NDUFAF6: variants seen among roughly 807,000 people sequenced by gnomAD.
NDUFAF6 encodes the protein NADH dehydrogenase (ubiquinone) complex I, assembly factor 6.
A neutral mutation model predicts 40.8 loss-of-function variants in NDUFAF6; 45 were observed. That is an observed-to-expected ratio of 1.10 (90% confidence interval 0.87 to 1.42). NDUFAF6 has a LOEUF of 1.42. Among genes scored for constraint, NDUFAF6 ranks in the 40% most tolerant of loss-of-function variants. The pLI is 0.00. For missense variants in NDUFAF6, 435 were observed against 418.5 expected, an observed-to-expected ratio of 1.04 and a Z score of -0.34; for synonymous variants, 185 against 155.9, an observed-to-expected ratio of 1.19 and a Z score of -1.39.
intron 1 of NDUFAF6, among the ~76,000 whole-genome samples, chr8:94,963,336 C>T (rs1414628774): frequency 1.3e-5 from 2 of 152,172 alleles, no homozygotes; most frequent in African/African-American, 4.8e-5. Flanking sequence ...CCCCAAGGTG[C>T]TCATAGTCAG....
At chr8:95,105,113 AGAG>A (rs1266605508), downstream of NDUFAF6, among the ~76,000 whole-genome samples, 1 of 123,856 alleles carries the variant, frequency 8.1e-6, no homozygotes, top group Non-Finnish European at 1.7e-5. Flanking sequence ...AGAGAGAGAG[AGAG>A]ATCACGTAGC....
intron 2 of NDUFAF6, among the ~76,000 whole-genome samples, chr8:95,033,513 A>G (rs1004313279): frequency 6.6e-6 from 1 of 152,234 alleles, no homozygotes; most frequent in African/African-American, 2.4e-5. Context: ...TCTGTATTCA[A>G]TGCTATACCC....
chr8:95,035,471 T>A lies in NDUFAF6; in HGVS notation c.315T>A (p.Ser105=). 6.2e-7 allele frequency: 1 copy of A among 1,613,676 alleles called. No homozygotes were observed. Among genetic ancestry groups the A allele is most frequent in the Non-Finnish European group, 8.5e-7 (1 of 1,179,842 alleles). Reference sequence around the variant, plus strand: ...GTTTATAGGTTAAAGACTCAGTCTCTGAGAAAACAATTGGACTGATGCGAA... The same window carrying A: ...GTTTATAGGTTAAAGACTCAGTCTCAGAGAAAACAATTGGACTGATGCGAA... The part of the protein sequence containing the change: ...VELAQVKDSV[S]EKTIGLMRMQ... Residue 105 remains serine, a synonymous_variant, in exon 3 of 9, where the codon TCT becomes TCA. Transcript: ENST00000396124.
intron 7 of NDUFAF6, among the ~76,000 whole-genome samples, chr8:95,051,063 T>G (rs552312482): frequency 6.6e-6 from 1 of 152,146 alleles, no homozygotes; most frequent in South Asian, 2.1e-4. Context: ...GATGGACTAT[T>G]AAAAAAATGC....
At chr8:94,908,414 T>C (rs1307926798) in intron 1 of NDUFAF6, among the ~76,000 whole-genome samples, 1 of 152,208 alleles carries the variant, frequency 6.6e-6, no homozygotes, top group African/African-American at 2.4e-5. Context: ...CTGTTGCCCA[T>C]GCTGGAGTAC....
chr8:95,075,686 G>A (rs1474688153), exon 10 of NDUFAF6: 4 of 1,288,218 alleles, frequency 3.1e-6, no homozygotes, highest in Admixed American at 2.3e-5. Context: ...CAGCCAGCCT[G>A]GGAAAATGAA....
At chr8:95,029,052 GGGAAT>G (rs1285254045) in intron 1 of NDUFAF6, among the ~76,000 whole-genome samples, 2 of 152,130 alleles carry the variant, frequency 1.3e-5, no homozygotes, top group East Asian at 3.9e-4. Flanking sequence ...AGACTGTCAA[GGGAAT>G]GGCTAGAAGC....
intron 2 of NDUFAF6, among the ~76,000 whole-genome samples, chr8:94,946,702 A>AAAAAAAAAAG (rs1563736783): frequency 6.9e-6 from 1 of 144,152 alleles, no homozygotes; most frequent in Non-Finnish European, 1.5e-5. Flanking sequence ...GTCTCAAAAA[A>AAAAAAAAAAG]AAAAAAAAAA....
At chr8:94,999,979 G>A (rs929033859) in intron 2 of NDUFAF6, among the ~76,000 whole-genome samples, 1 of 152,008 alleles carries the variant, frequency 6.6e-6, no homozygotes, top group African/African-American at 2.4e-5. Flanking sequence ...ACAGGCTGAT[G>A]GGGGAGGATC....
chr8:94,928,606 G>C (rs1048183677), intron 1 of NDUFAF6: 1 of 152,376 alleles, frequency 6.6e-6, no homozygotes, highest in Non-Finnish European at 1.5e-5. Flanking sequence ...AACGGAAGGG[G>C]CAATAAGGAG....
downstream of NDUFAF6, among the ~76,000 whole-genome samples, chr8:95,106,935 T>C (rs1234732315): frequency 6.6e-6 from 1 of 152,204 alleles, no homozygotes; most frequent in Non-Finnish European, 1.5e-5. Context: ...CACAATGAGA[T>C]ACCATCTTAC....
intron 1 of NDUFAF6, among the ~76,000 whole-genome samples, chr8:94,915,608 A>G (rs1228164458): frequency 3.9e-5 from 6 of 152,184 alleles, no homozygotes; most frequent in African/African-American, 1.4e-4. Context: ...GTTGGGTCGA[A>G]TGGTAATTCT....
At chr8:95,079,285 T>C (rs1326646248), downstream of NDUFAF6, among the ~76,000 whole-genome samples, 1 of 152,202 alleles carries the variant, frequency 6.6e-6, no homozygotes, top group Non-Finnish European at 1.5e-5. Flanking sequence ...GAAGGACATC[T>C]TGATTGCTTC....
chr8:94,936,333 C>A (rs1027883763), intron 1 of NDUFAF6, among the ~76,000 whole-genome samples: 1 of 152,132 alleles, frequency 6.6e-6, no homozygotes, highest in Non-Finnish European at 1.5e-5. Flanking sequence ...GAAGGACACA[C>A]CCACAAGCAG....
chr8:95,028,355 A>C (rs923037454), intron 1 of NDUFAF6, among the ~76,000 whole-genome samples: 3 of 152,182 alleles, frequency 2.0e-5, no homozygotes, highest in Admixed American at 2.0e-4. Context: ...AGGTAACTGG[A>C]TCTTGGTTAG....
intron 2 of NDUFAF6, among the ~76,000 whole-genome samples, chr8:95,082,729 G>A (rs912226152): frequency 5.3e-4 from 81 of 151,712 alleles, no homozygotes; most frequent in Non-Finnish European, 1.5e-4. Flanking sequence ...GCGGGATCTC[G>A]GCTCACTGCA....
chr8:95,074,100 A>C (rs1042821398), intron 9 of NDUFAF6, among the ~76,000 whole-genome samples: 1 of 152,166 alleles, frequency 6.6e-6, no homozygotes, highest in African/African-American at 2.4e-5. Flanking sequence ...GGATGGAACA[A>C]GGTTGGCTAT....
intron 1 of NDUFAF6, among the ~76,000 whole-genome samples, chr8:94,921,191 CCTT>C (rs1251561681): frequency 6.6e-6 from 1 of 152,214 alleles, no homozygotes; most frequent in African/African-American, 2.4e-5. Context: ...CCCCTTCTGT[CCTT>C]CTTGCACATT....
intron 1 of NDUFAF6, among the ~76,000 whole-genome samples, chr8:94,933,315 AAAAC>A (rs1427730601): frequency 4.6e-5 from 7 of 152,370 alleles, no homozygotes; most frequent in African/African-American, 7.2e-5. Flanking sequence ...TATGAATGCA[AAAAC>A]AAACAAGATA....
Sources: gnomAD v4.1 joint callset for allele counts (sites outside exome capture counted in the v4.1 genomes callset) on GRCh38, gnomAD v4.1.1 for gene constraint, MANE v1.5 for transcripts, NCBI Gene and HGNC (gene_info 2026-07-23, HGNC 2026-07-21) for gene names.